SERPINC1: variants seen among roughly 807,000 people sequenced by gnomAD.
SERPINC1 encodes the protein antithrombin-III.
SERPINC1 carries 12 observed loss-of-function variants against 43.4 expected under a neutral mutation model. That is an observed-to-expected ratio of 0.28 (90% CI 0.18 to 0.45). The LOEUF is 0.45. Among genes scored for constraint, SERPINC1 ranks in the 20% least tolerant of loss-of-function variants. SERPINC1 has a pLI of 1.00. For synonymous variants in SERPINC1, 210 were observed against 218.9 expected, an observed-to-expected ratio of 0.96 and a Z score of 0.36; for missense variants, 423 against 578.8, an observed-to-expected ratio of 0.73 and a Z score of 2.76.
chr1:173,906,880 G>T (rs1233493023), intron 6 of SERPINC1, among the ~76,000 whole-genome samples: 1 of 152,176 alleles, frequency 6.6e-6, no homozygotes, highest in African/African-American at 2.4e-5. Context: ...CACTTTGGGG[G>T]TGCCAAGGAG....
intron 2 of SERPINC1, among the ~76,000 whole-genome samples, chr1:173,914,064 C>T (rs992685599): frequency 9.1e-5 from 13 of 142,816 alleles, no homozygotes; most frequent in African/African-American, 2.6e-4. Flanking sequence ...GGCAATAGAG[C>T]GAGATTCCAT....
At chr1:173,916,462 G>A (rs1010659703) in intron 1 of SERPINC1, among the ~76,000 whole-genome samples, 1 of 152,238 alleles carries the variant, frequency 6.6e-6, no homozygotes, top group Non-Finnish European at 1.5e-5. Context: ...GAGGTGCAAA[G>A]CCGGAGAGAA....
In SERPINC1 at chr1:173,917,243, A is replaced by G. The variant is rs753713846; in HGVS notation, c.17T>C (p.Ile6Thr). The G allele has an allele frequency of 1.2e-5, 19 of 1,613,986 alleles. No homozygotes were observed. The highest frequency in any genetic ancestry group is 1.6e-4 in the Middle Eastern group (1 of 6,078). Residue 6 changes from isoleucine (I) to threonine (T), a missense_variant, in exon 1 of 7, where the codon ATA becomes ACA. Transcript: ENST00000367698. Reference protein sequence around the residue: MYSNVIGTVTSGKRKV... With the variant: MYSNVTGTVTSGKRKV... ...CCTTTTTCCAGAGGTTACAGTTCCT[A>G]TCACATTGGAATACATGGCCGCTAA...
intron 6 of SERPINC1, among the ~76,000 whole-genome samples, chr1:173,907,088 C>G (rs1657549234): frequency 6.6e-6 from 1 of 151,600 alleles, no homozygotes; most frequent in South Asian, 2.1e-4. Flanking sequence ...GCACTCTAGC[C>G]TGGGCAACGA....
chr1:173,905,018 G>A (rs1256344734), intron 6 of SERPINC1, among the ~76,000 whole-genome samples: 5 of 152,232 alleles, frequency 3.3e-5, no homozygotes, highest in Admixed American at 6.5e-5. Context: ...TACATATTGT[G>A]TACTGGGCTC....
intron 6 of SERPINC1, among the ~76,000 whole-genome samples, 190 bp downstream of exon 6, chr1:173,907,260 T>G (rs1172362966): frequency 6.6e-6 from 1 of 152,196 alleles, no homozygotes; most frequent in African/African-American, 2.4e-5. Flanking sequence ...CCGCTTGACC[T>G]GCTACAGAAG....
At chr1:173,914,358 A>G (rs867630025) in intron 2 of SERPINC1, among the ~76,000 whole-genome samples, 195 bp downstream of exon 2, 5 of 152,360 alleles carry the variant, frequency 3.3e-5, no homozygotes, top group Middle Eastern at 3.4e-3. Flanking sequence ...TAGATAGCCA[A>G]GATTCCTTGG....
intron 1 of SERPINC1, among the ~76,000 whole-genome samples, chr1:173,916,988 C>T (rs559911142): frequency 2.0e-5 from 3 of 152,102 alleles, no homozygotes; most frequent in Admixed American, 2.0e-4. Context: ...GGATGACATC[C>T]CCCTTGTTTC....
At position 173,917,210 on chromosome 1, in the gene SERPINC1, C is replaced by G; in HGVS notation, c.41+9G>C. ...AGGGGCAGGCAAGGGGAAAGCTCAC[C>G]CCTCTTACCTTTTTCCAGAGGTTAC... is the stretch of plus-strand genomic sequence containing the variant. On this transcript the variant is annotated intron_variant, in intron 1 of 6. Transcript: ENST00000367698. 6.2e-7 allele frequency: 1 copy of G among 1,613,512 alleles called. No homozygotes were observed. Among genetic ancestry groups the G allele is most frequent in the Middle Eastern group, 1.7e-4 (1 of 6,040 alleles).
At chr1:173,905,143 G>C (rs1446291731) in intron 6 of SERPINC1, among the ~76,000 whole-genome samples, 2 of 152,168 alleles carry the variant, frequency 1.3e-5, no homozygotes, top group Non-Finnish European at 2.9e-5. Context: ...TATTCAATGA[G>C]AGTTAAAACC....
At chr1:173,914,003 G>C (rs1657881946) in intron 2 of SERPINC1, among the ~76,000 whole-genome samples, 1 of 152,094 alleles carries the variant, frequency 6.6e-6, no homozygotes, top group Non-Finnish European at 1.5e-5. Context: ...GCTTGAACCT[G>C]GGAGGCAGAG....
intron 6 of SERPINC1, among the ~76,000 whole-genome samples, chr1:173,905,007 T>G (rs929407785): frequency 2.1e-4 from 32 of 152,180 alleles, no homozygotes; most frequent in African/African-American, 7.5e-4. Flanking sequence ...TGGAAAAATC[T>G]TACATATTGT....
chr1:173,915,601 C>G (rs2227597), intron 1 of SERPINC1, among the ~76,000 whole-genome samples: 30,625 of 152,154 alleles, frequency 0.2, 4,154 homozygotes, highest in African/African-American at 0.38. Flanking sequence ...CACTTGAACC[C>G]AGGAGGCGAA....
chr1:173,909,556 G>A lies in SERPINC1; in HGVS notation c.1149C>T (p.Leu383=), dbSNP rs1343633518. The change falls in exon 5 of 7, where the codon CTC becomes CTT. Residue 383 remains leucine (L), a synonymous_variant. Transcript: ENST00000367698. Reference sequence around the variant, plus strand: ...GAAACTCCTTCCTAGACAAACCTGGGAGTTTGGACTTTTCAGGGCTGAACA... The same window carrying A: ...GAAACTCCTTCCTAGACAAACCTGGAAGTTTGGACTTTTCAGGGCTGAACA... ...VDLFSPEKSK[L]PGIVAEGRDD... 1 of 1,613,790 alleles carries A rather than the reference G, an allele frequency of 6.2e-7. No homozygotes were observed. The highest frequency in any genetic ancestry group is 1.1e-5 in the South Asian group (1 of 91,086).
chr1:173,906,975 G>A (rs754137661), intron 6 of SERPINC1, among the ~76,000 whole-genome samples: 4 of 152,064 alleles, frequency 2.6e-5, no homozygotes, highest in African/African-American at 7.2e-5. Flanking sequence ...AAAATTAGCC[G>A]GGCGTGATGG....
At chr1:173,910,111 G>A (rs1657705432) in intron 4 of SERPINC1, among the ~76,000 whole-genome samples, 169 bp from the exon 5 acceptor site, 1 of 152,194 alleles carries the variant, frequency 6.6e-6, no homozygotes, top group Non-Finnish European at 1.5e-5. Flanking sequence ...ATGGAATTAT[G>A]AGTAGGTTTA....
intron 2 of SERPINC1, among the ~76,000 whole-genome samples, chr1:173,913,103 T>C (rs1657838761): frequency 6.6e-6 from 1 of 152,188 alleles, no homozygotes; most frequent in Admixed American, 6.5e-5. Flanking sequence ...GGAACCCTCC[T>C]AAGACCCACA....
rs771520761 is a variant in SERPINC1, at chr1:173,904,104, C to T, written c.1219-39G>A. The T allele has an allele frequency of 1.2e-5, 19 of 1,600,920 alleles. No homozygotes were observed. The Admixed American group carries it at 2.8e-4, about 24-fold the overall frequency. On this transcript the variant is annotated intron_variant, in intron 6 of 6. Transcript: ENST00000367698. The stretch of plus-strand genomic sequence containing the variant: ...GGGAAATAAAACTAAATTAGCCACT[C>T]TGCCGTTCATTTTTGGCAGGTAAAT...
intron 2 of SERPINC1, among the ~76,000 whole-genome samples, chr1:173,913,816 C>A (rs935408490): frequency 3.4e-5 from 5 of 148,922 alleles, no homozygotes; most frequent in Non-Finnish European, 7.4e-5. Flanking sequence ...GATCGTGCCA[C>A]TGCGCTCCAG....
Sources: allele counts gnomAD v4.1 joint callset (sites outside exome capture counted in the v4.1 genomes callset), GRCh38; gene constraint gnomAD v4.1.1; transcripts MANE v1.5; gene names NCBI Gene and HGNC (gene_info 2026-07-23, HGNC 2026-07-21).